The following COL19A1 variants were observed in gnomAD, a reference collection of about 807,000 sequenced individuals.
COL19A1 encodes the protein collagen alpha-1(XIX) chain.
In COL19A1, 159 loss-of-function variants were observed where a neutral mutation model predicts 190.2. That is an observed-to-expected ratio of 0.84 (90% CI 0.73 to 0.95). COL19A1 has a LOEUF of 0.95. Ranked by LOEUF, COL19A1 falls within the 40% of genes least tolerant of loss-of-function variation. The probability of loss-of-function intolerance (pLI) is 0.00; values close to 1 mark genes in which losing one functional copy is unlikely to be tolerated. For synonymous variants in COL19A1, 509 were observed against 458.9 expected (o/e 1.11, Z -1.39); for missense variants, 1,418 against 1,431.9 (o/e 0.99, Z 0.16).
chr6:69,982,973 AAAAT>A (rs56922945), intron 11 of COL19A1, among the ~76,000 whole-genome samples: 8,852 of 132,532 alleles, frequency 0.067, 317 homozygotes, highest in African/African-American at 0.11. Context: ...CTCTGTCTCA[AAAAT>A]AAATAAATAA....
intron 11 of COL19A1, among the ~76,000 whole-genome samples, chr6:69,976,541 AGAG>A (rs1279989782): frequency 6.6e-6 from 1 of 152,166 alleles, no homozygotes; most frequent in Non-Finnish European, 1.5e-5. Context: ...GTGGGAAGGA[AGAG>A]GAGTGAGTAC....
intron 15 of COL19A1, among the ~76,000 whole-genome samples, chr6:70,075,848 C>T (rs1045726910): frequency 6.6e-6 from 1 of 152,176 alleles, no homozygotes; most frequent in Non-Finnish European, 1.5e-5. Context: ...CAACAGTGAG[C>T]TGAGGTCCTT....
chr6:69,989,734 G>A (rs1776515209), intron 11 of COL19A1, among the ~76,000 whole-genome samples: 1 of 151,906 alleles, frequency 6.6e-6, no homozygotes, highest in South Asian at 2.1e-4. Flanking sequence ...AAATTTAAGA[G>A]CCAATTTCTA....
chr6:70,073,753 A>G (rs992015618), intron 15 of COL19A1, among the ~76,000 whole-genome samples: 12 of 152,288 alleles, frequency 7.9e-5, no homozygotes, highest in Middle Eastern at 3.4e-3. Flanking sequence ...CCTTTTCCTT[A>G]AAGAAAGATA....
At chr6:70,168,129 C>T (rs1765277608) in intron 38 of COL19A1, 42 bp from the exon 39 acceptor site, 6 of 1,607,958 alleles carry the variant, frequency 3.7e-6, no homozygotes, top group Non-Finnish European at 4.3e-6. Context: ...GTAAATTCGT[C>T]TCATCTTTCT....
At chr6:69,874,212 G>T (rs1327064515) in intron 1 of COL19A1, among the ~76,000 whole-genome samples, 1 of 152,144 alleles carries the variant, frequency 6.6e-6, no homozygotes, top group Non-Finnish European at 1.5e-5. Context: ...AGAGGTTTCT[G>T]GTCAGGAAAA....
At chr6:70,119,620 T>G (rs1582957893) in intron 16 of COL19A1, among the ~76,000 whole-genome samples, 1 of 152,290 alleles carries the variant, frequency 6.6e-6, no homozygotes, top group African/African-American at 2.4e-5. Flanking sequence ...AATGCTAATG[T>G]TAAATATTAG....
At chr6:70,102,818 T>C (rs1035868343) in intron 16 of COL19A1, among the ~76,000 whole-genome samples, 1 of 152,182 alleles carries the variant, frequency 6.6e-6, no homozygotes, top group Non-Finnish European at 1.5e-5. Context: ...GACACTGCAC[T>C]CTCTGTGGTC....
intron 15 of COL19A1, among the ~76,000 whole-genome samples, chr6:70,071,414 G>A (rs1383662167): frequency 6.6e-6 from 1 of 151,934 alleles, no homozygotes; most frequent in African/African-American, 2.4e-5. Context: ...AGTTTATAAA[G>A]TGTTCATTTA....
chr6:70,194,727 G>A (rs1767084098), intron 48 of COL19A1, among the ~76,000 whole-genome samples: 1 of 152,032 alleles, frequency 6.6e-6, no homozygotes. Context: ...TATTATGCTT[G>A]GGAATTTACA....
intron 1 of COL19A1, among the ~76,000 whole-genome samples, chr6:69,869,769 C>T (rs1248762890): frequency 1.3e-5 from 2 of 152,020 alleles, no homozygotes; most frequent in Non-Finnish European, 1.5e-5. Flanking sequence ...AGAAGTGAGT[C>T]GGTAAAACAG....
intron 15 of COL19A1, among the ~76,000 whole-genome samples, chr6:70,073,188 A>G (rs1034425969): frequency 1.3e-5 from 2 of 151,966 alleles, no homozygotes; most frequent in African/African-American, 4.8e-5. Context: ...GGGTTTCACC[A>G]TGTTGGTCAG....
intron 17 of COL19A1, among the ~76,000 whole-genome samples, chr6:70,128,914 G>C (rs73746869): frequency 6.6e-6 from 1 of 152,164 alleles, no homozygotes; most frequent in Non-Finnish European, 1.5e-5. Context: ...CTGGAAGATA[G>C]TGGCACTATC....
At chr6:69,928,343 A>G (rs1458215444) in intron 5 of COL19A1, among the ~76,000 whole-genome samples, 2 of 152,114 alleles carry the variant, frequency 1.3e-5, no homozygotes, top group African/African-American at 4.8e-5. Context: ...CTTTCTAAGT[A>G]ACACATTCTT....
At chr6:69,876,492 A>G (rs903268175) in intron 1 of COL19A1, among the ~76,000 whole-genome samples, 28 of 151,526 alleles carry the variant, frequency 1.8e-4, no homozygotes, top group African/African-American at 6.9e-4. Context: ...GCAAACAATT[A>G]TAATATCAGG....
intron 11 of COL19A1, among the ~76,000 whole-genome samples, chr6:69,987,781 C>T (rs1776391484): frequency 6.6e-6 from 1 of 152,146 alleles, no homozygotes; most frequent in Non-Finnish European, 1.5e-5. Flanking sequence ...TAACATTCTT[C>T]CTTCTCCTGG....
intron 9 of COL19A1, among the ~76,000 whole-genome samples, chr6:69,950,258 A>T (rs1774047007): frequency 6.6e-6 from 1 of 151,910 alleles, no homozygotes; most frequent in African/African-American, 2.4e-5. Flanking sequence ...ACACAATTTT[A>T]TAAAATGTAT....
chr6:70,028,196 G>A (rs1778830717), intron 12 of COL19A1, among the ~76,000 whole-genome samples: 2 of 152,094 alleles, frequency 1.3e-5, no homozygotes. Flanking sequence ...AAAAATACGA[G>A]ACTCAAAGAA....
chr6:69,967,036 CACTCAA>C (rs1775154519), intron 11 of COL19A1, among the ~76,000 whole-genome samples: 3 of 152,172 alleles, frequency 2.0e-5, no homozygotes, highest in African/African-American at 7.2e-5. Flanking sequence ...TTTATGTTGT[CACTCAA>C]GTTCTAACTT....
Sources: allele counts gnomAD v4.1 joint callset (sites outside exome capture counted in the v4.1 genomes callset), GRCh38; gene constraint gnomAD v4.1.1; transcripts MANE v1.5; gene names NCBI Gene and HGNC (gene_info 2026-07-23, HGNC 2026-07-21).